ANLN: variants seen among roughly 807,000 people sequenced by gnomAD.
The protein encoded by ANLN is anillin, actin binding protein.
In ANLN, 59 loss-of-function variants were observed where a neutral mutation model predicts 135.1. That is an observed-to-expected ratio of 0.44 (90% CI 0.35 to 0.54). The LOEUF is 0.54. Ranked by LOEUF, ANLN falls within the 20% of genes least tolerant of loss-of-function variation. The pLI, the probability that ANLN is intolerant of heterozygous loss-of-function variation, is 0.00. For missense variants in ANLN, 1,182 were observed against 1,340.0 expected, an observed-to-expected ratio of 0.88 and a Z score of 1.84; for synonymous variants, 406 against 456.4, an observed-to-expected ratio of 0.89 and a Z score of 1.41.
At chr7:36,408,786 T>TA (rs1787295595) in intron 5 of ANLN, among the ~76,000 whole-genome samples, 1 of 152,202 alleles carries the variant, frequency 6.6e-6, no homozygotes, top group Admixed American at 6.5e-5. Flanking sequence ...CAAAATTTCT[T>TA]ACCATCGTAA....
At chr7:36,413,665 C>T (rs191623821) in intron 7 of ANLN, among the ~76,000 whole-genome samples, 30 of 152,222 alleles carry the variant, frequency 2.0e-4, no homozygotes, top group South Asian at 8.3e-4. Context: ...AGCCAAAGAG[C>T]TAGGAGGAAA....
At chr7:36,447,790 A>G (rs1456771212) in intron 22 of ANLN, among the ~76,000 whole-genome samples, 1 of 152,154 alleles carries the variant, frequency 6.6e-6, no homozygotes, top group Non-Finnish European at 1.5e-5. Context: ...TTAGAATGGC[A>G]TGCAGTTTAA....
chr7:36,439,243 A>C lies in ANLN; in HGVS notation c.2923A>C (p.Lys975Gln), dbSNP rs755271161. Reference sequence around the variant, plus strand: ...TTCTTTGGAAGGTCATATTTATTTAAAAATAAAATGTCAAGTGAATTCCAG... The same window carrying C: ...TTCTTTGGAAGGTCATATTTATTTACAAATAAAATGTCAAGTGAATTCCAG... ...LSSLEGHIYL[K>Q]IKCQVNSSVE... Residue 975 changes from lysine to glutamine, a missense_variant, in exon 21 of 24, where the codon AAA becomes CAA. Lys to Gln is a moderately conservative substitution (Grantham distance 53). Transcript: ENST00000265748. The C allele has an allele frequency of 8.1e-6, 13 of 1,597,654 alleles. No homozygotes were observed. Among genetic ancestry groups the C allele is most frequent in the Non-Finnish European group, 1.0e-5 (12 of 1,168,684 alleles).
Position 36,420,238 on chromosome 7 carries a change from A to C in ANLN, c.1939A>C (p.Lys647Gln), listed in dbSNP as rs772058788. 6.2e-7 allele frequency: 1 copy of C among 1,614,104 alleles called. No homozygotes were observed. Among genetic ancestry groups the C allele is most frequent in the South Asian group, 1.1e-5 (1 of 91,082 alleles). ...AAGTGATGAAAGTCCAAAACCAGGA[A>C]AATTCCAAAGAACTCGTGTCCCTCG... ...SRSDESPKPG[K>Q]FQRTRVPRAE... is the part of the protein sequence containing the mutation. The change falls in exon 11 of 24, where the codon AAA (lysine) becomes CAA (glutamine). Residue 647 changes from lysine (K) to glutamine (Q), a missense_variant. Physicochemically the swap from Lys to Gln is moderately conservative, Grantham distance 53. This residue lies in a region of ANLN where 1,022 missense variants were observed against 1,134.0 expected (regional missense o/e 0.90). Transcript: ENST00000265748.
intron 22 of ANLN, among the ~76,000 whole-genome samples, chr7:36,445,143 C>T (rs914960842): frequency 4.8e-5 from 5 of 104,948 alleles, no homozygotes; most frequent in Non-Finnish European, 7.6e-5. Context: ...GATTTAGAGG[C>T]GTTTCAGATT....
At position 36,389,874 on chromosome 7, in the gene ANLN, GGAA is replaced by G; in HGVS notation, c.-151_-149del. The G allele has an allele frequency of 7.2e-7, 1 of 1,384,300 alleles. No homozygotes were observed. The highest frequency in any genetic ancestry group is 1.0e-6 in the Non-Finnish European group (1 of 991,216). 85.8% of individuals were successfully genotyped at this position (1,384,300 alleles called of 1,614,324 possible). A position where few individuals can be genotyped will look rare whatever the true frequency, so the allele number is the denominator to read the frequency against. On this transcript the variant is annotated 5_prime_UTR_variant, in exon 1 of 24. Coordinates refer to ENST00000265748, the MANE Select transcript of ANLN (RefSeq NM_018685.5). ...GGCTGCAGAGGCCGAGTCCGTCACT[GGAA>G]GCCGAGAGGAGAGGACAGCTGGTTG... is the stretch of plus-strand genomic sequence containing the variant.
At chr7:36,408,628 G>T (rs185650904) in intron 5 of ANLN, among the ~76,000 whole-genome samples, 2 of 152,234 alleles carry the variant, frequency 1.3e-5, no homozygotes, top group Admixed American at 1.3e-4. Flanking sequence ...ATAGATTATT[G>T]TAAACTATAG....
chr7:36,452,984 A>G lies in ANLN; in HGVS notation c.*384A>G, dbSNP rs1251049513. The G allele has an allele frequency of 1.9e-5, 3 of 158,282 alleles. No homozygotes were observed. The highest frequency in any genetic ancestry group is 1.8e-4 in the East Asian group (1 of 5,432). The allele number at this position is 158,282 out of a possible 1,614,324, so 9.8% of individuals were successfully genotyped here. A position where few individuals can be genotyped will look rare whatever the true frequency, so the allele number is the denominator to read the frequency against. ...GTTGGAGACAGAAACCCATTCTCCA[A>G]TCTCAGTAGTTTTTTCGAAAGGCTG... is the stretch of plus-strand genomic sequence containing the variant. On this transcript the variant is annotated 3_prime_UTR_variant, in exon 24 of 24. Coordinates refer to ENST00000265748, the MANE Select transcript of ANLN (RefSeq NM_018685.5).
intron 9 of ANLN, among the ~76,000 whole-genome samples, 184 bp from the exon 10 acceptor site, chr7:36,419,060 T>C (rs893962591): frequency 6.6e-6 from 1 of 152,234 alleles, no homozygotes; most frequent in African/African-American, 2.4e-5. Flanking sequence ...AAAGTGTTAT[T>C]GAAGCTGAAG....
intron 1 of ANLN, chr7:36,390,593 C>T (rs555580283): frequency 6.5e-6 from 1 of 154,740 alleles, no homozygotes; most frequent in South Asian, 1.9e-4. Context: ...TCCTTGAGAT[C>T]CCATTGTTCA....
At chr7:36,394,054 G>C (rs1786591480) in intron 1 of ANLN, among the ~76,000 whole-genome samples, 1 of 152,130 alleles carries the variant, frequency 6.6e-6, no homozygotes, top group Admixed American at 6.5e-5. Context: ...CTCCTGGGCT[G>C]AAGTAATCCT....
At chr7:36,443,919 T>C (rs1303624906) in intron 22 of ANLN, 57 bp downstream of exon 22, 1 of 1,223,982 alleles carries the variant, frequency 8.2e-7, no homozygotes, top group African/African-American at 1.5e-5. Context: ...CGTGTAGTGT[T>C]CATGCAAATG....
In ANLN at chr7:36,415,889, G is replaced by T; in HGVS notation, c.1522+5G>T. On this transcript the variant is annotated splice_donor_5th_base_variant and intron_variant, in intron 8 of 23. Coordinates refer to ENST00000265748, the MANE Select transcript of ANLN (RefSeq NM_018685.5). ...ATTCTAGTACAGAACCTAAAGGTCAGTGTTTCCAGATTGTTCATGGTTAGT... is the reference window on the plus strand; with the variant it reads ...ATTCTAGTACAGAACCTAAAGGTCATTGTTTCCAGATTGTTCATGGTTAGT... 1 of 1,575,150 alleles carries T rather than the reference G, an allele frequency of 6.3e-7. No homozygotes were observed. The highest frequency in any genetic ancestry group is 2.0e-5 in the Admixed American group (1 of 49,710).
chr7:36,415,451 T>A (rs920406578), intron 7 of ANLN, among the ~76,000 whole-genome samples: 1 of 151,904 alleles, frequency 6.6e-6, no homozygotes, highest in Non-Finnish European at 1.5e-5. Context: ...TACCCAGACT[T>A]CAAGGAGAGG....
intron 2 of ANLN, among the ~76,000 whole-genome samples, chr7:36,397,675 G>C (rs1347213897): frequency 6.6e-6 from 1 of 152,228 alleles, no homozygotes; most frequent in African/African-American, 2.4e-5. Flanking sequence ...CACTTTGAGA[G>C]ACTGAGGTGG....
chr7:36,406,616 G>T (rs754031513), intron 4 of ANLN, 50 bp downstream of exon 4: 1 of 1,460,120 alleles, frequency 6.8e-7, no homozygotes, highest in South Asian at 1.5e-5. Flanking sequence ...TTTTCGTTAT[G>T]AGTGGTATAA....
intron 20 of ANLN, among the ~76,000 whole-genome samples, chr7:36,435,291 C>G (rs1259459701): frequency 2.0e-5 from 3 of 151,992 alleles, no homozygotes; most frequent in African/African-American, 4.8e-5. Context: ...CTTCTCATCT[C>G]TGTTTTCACC....
chr7:36,432,830 C>A (rs956790358), intron 20 of ANLN, among the ~76,000 whole-genome samples: 4 of 152,026 alleles, frequency 2.6e-5, no homozygotes, highest in Admixed American at 1.3e-4. Context: ...TGCATCCTTA[C>A]CTTATTAAAG....
At chr7:36,417,011 C>T (rs1583619724) in intron 8 of ANLN, 69 bp from the exon 9 acceptor site, 1 of 807,044 alleles carries the variant, frequency 1.2e-6, no homozygotes. Context: ...AAAACACACA[C>T]AAGATTCCAT....
Sources: allele counts gnomAD v4.1 joint callset (sites outside exome capture counted in the v4.1 genomes callset), GRCh38; gene constraint gnomAD v4.1.1; regional missense constraint gnomAD v4.1.1; transcripts MANE v1.5; gene names NCBI Gene and HGNC (gene_info 2026-07-23, HGNC 2026-07-21).